MOXD1: variants seen among roughly 807,000 people sequenced by gnomAD.
MOXD1 encodes monooxygenase DBH like 1, also known as DBH-like monooxygenase protein 1.
Under a neutral mutation model 66.6 loss-of-function variants are expected in MOXD1, and 62 were observed. The observed-to-expected ratio is 0.93, with a 90% CI of 0.76 to 1.15. The LOEUF (loss-of-function observed/expected upper bound fraction) is 1.15. MOXD1 is among the 50% of genes most tolerant of loss of function. The probability of loss-of-function intolerance (pLI) is 0.00; values close to 1 mark genes in which losing one functional copy is unlikely to be tolerated. For missense variants in MOXD1, 847 were observed against 754.6 expected (o/e 1.12, Z -1.44); for synonymous variants, 303 against 281.9 (o/e 1.07, Z -0.75).
At chr6:132,360,260 A>T (rs750912668) in intron 4 of MOXD1, among the ~76,000 whole-genome samples, 13 of 152,180 alleles carry the variant, frequency 8.5e-5, no homozygotes, top group Admixed American at 2.6e-4. Flanking sequence ...TTACTTTTTA[A>T]ATAGATCATC....
At chr6:132,360,068 G>A (rs1236985581) in intron 4 of MOXD1, among the ~76,000 whole-genome samples, 2 of 152,194 alleles carry the variant, frequency 1.3e-5, no homozygotes, top group Non-Finnish European at 2.9e-5. Context: ...GCAGATGTTG[G>A]TTGTATCAAG....
At chr6:132,391,388 T>C (rs1308092496) in intron 1 of MOXD1, 2 of 152,230 alleles carry the variant, frequency 1.3e-5, no homozygotes, top group Non-Finnish European at 2.9e-5. Context: ...CATTTGAAAT[T>C]ATTTTTGCAG....
chr6:132,307,051 C>T (rs1375076562), intron 10 of MOXD1, among the ~76,000 whole-genome samples: 1 of 152,050 alleles, frequency 6.6e-6, no homozygotes, highest in Non-Finnish European at 1.5e-5. Flanking sequence ...GGGCTAAAGG[C>T]CCCAATTAAA....
At chr6:132,369,193 G>T (rs1314903003) in intron 4 of MOXD1, among the ~76,000 whole-genome samples, 4 of 152,142 alleles carry the variant, frequency 2.6e-5, no homozygotes, top group African/African-American at 9.6e-5. Flanking sequence ...GCAGTAAATG[G>T]CTTGGTGTCA....
chr6:132,369,477 T>C (rs1776221112), intron 4 of MOXD1, among the ~76,000 whole-genome samples: 1 of 149,272 alleles, frequency 6.7e-6, no homozygotes, highest in Non-Finnish European at 1.5e-5. Flanking sequence ...ACCTTATCAT[T>C]TTTTTTTTAT....
At chr6:132,371,761 C>T (rs141501801) in intron 4 of MOXD1, among the ~76,000 whole-genome samples, 58 of 152,294 alleles carry the variant, frequency 3.8e-4, no homozygotes, top group Non-Finnish European at 6.8e-4. Context: ...ATTCCAGAGT[C>T]TGGCAATTCA....
At chr6:132,357,687 C>A (rs1181177109) in intron 4 of MOXD1, among the ~76,000 whole-genome samples, 1 of 151,828 alleles carries the variant, frequency 6.6e-6, no homozygotes, top group Admixed American at 6.6e-5. Context: ...TAATTTAGAG[C>A]TTTTTGAAAA....
At chr6:132,308,776 A>G (rs574555686) in intron 10 of MOXD1, among the ~76,000 whole-genome samples, 3 of 152,320 alleles carry the variant, frequency 2.0e-5, no homozygotes, top group Non-Finnish European at 4.4e-5. Context: ...AAACCACATG[A>G]TTATCTCAAT....
At chr6:132,323,674 T>G (rs1400781165) in intron 7 of MOXD1, among the ~76,000 whole-genome samples, 2 of 152,122 alleles carry the variant, frequency 1.3e-5, no homozygotes, top group Non-Finnish European at 2.9e-5. Context: ...ATATACAGCA[T>G]GCAACATGCA....
At chr6:132,298,411 CT>C (rs1301679748) in intron 10 of MOXD1, among the ~76,000 whole-genome samples, 4 of 152,122 alleles carry the variant, frequency 2.6e-5, no homozygotes, top group Admixed American at 6.6e-5. Flanking sequence ...AAAAAATTAA[CT>C]GGTAAGCATT....
Position 132,380,030 on chromosome 6 carries a change from G to C in MOXD1, c.265-5253C>G, listed in dbSNP as rs139119150. Among the ~76,000 whole-genome samples the C allele has an allele frequency of 2.6e-5, 4 of 152,222 alleles. No homozygotes were observed. In the East Asian group the frequency reaches 7.7e-4, roughly 29 times the overall value. Reference sequence around the variant, plus strand: ...GCCTCCCACAGTTCTGGGATCACAGGTGTAAGCCACCATGCCCGGCCTGTA... The same window carrying C: ...GCCTCCCACAGTTCTGGGATCACAGCTGTAAGCCACCATGCCCGGCCTGTA... On this transcript the variant is annotated intron_variant, in intron 1 of 11. Coordinates refer to ENST00000367963, the MANE Select transcript of MOXD1 (RefSeq NM_015529.4).
intron 9 of MOXD1, among the ~76,000 whole-genome samples, chr6:132,316,433 A>AT (rs1774961585): frequency 6.6e-6 from 1 of 152,144 alleles, no homozygotes; most frequent in Admixed American, 6.5e-5. Context: ...ACAGATAAAA[A>AT]TATGTTCAAT....
intron 10 of MOXD1, among the ~76,000 whole-genome samples, chr6:132,305,421 G>C (rs574280627): frequency 3.3e-5 from 5 of 152,352 alleles, no homozygotes; most frequent in South Asian, 2.1e-4. Context: ...GGACCAGCAG[G>C]CTTCGCCTTT....
chr6:132,299,649 T>C (rs1342604335), intron 10 of MOXD1, among the ~76,000 whole-genome samples: 4 of 152,108 alleles, frequency 2.6e-5, no homozygotes, highest in Non-Finnish European at 4.4e-5. Flanking sequence ...TTGTCTTTCA[T>C]TAAATATAAG....
At chr6:132,375,993 G>A (rs543230654) in intron 1 of MOXD1, among the ~76,000 whole-genome samples, 11 of 152,154 alleles carry the variant, frequency 7.2e-5, no homozygotes, top group South Asian at 2.1e-4. Context: ...TTTCTTTTTT[G>A]CACCATAGTT....
At chr6:132,392,283 G>A (rs1221224314) in intron 1 of MOXD1, 2 of 1,601,870 alleles carry the variant, frequency 1.2e-6, no homozygotes, top group Non-Finnish European at 8.5e-7. Context: ...CTCAGTTTTT[G>A]AGACAAGCAA....
At chr6:132,373,683 A>T (rs1319726691) in intron 2 of MOXD1, among the ~76,000 whole-genome samples, 1 of 152,180 alleles carries the variant, frequency 6.6e-6, no homozygotes, top group African/African-American at 2.4e-5. Flanking sequence ...CCAAAGGGCT[A>T]TGGGTTGGGG....
At chr6:132,384,858 G>T (rs1776593545) in intron 1 of MOXD1, among the ~76,000 whole-genome samples, 1 of 152,204 alleles carries the variant, frequency 6.6e-6, no homozygotes. Context: ...GCTATAAGCA[G>T]CAAGTGGCAT....
At chr6:132,390,575 C>A (rs568823992) in intron 1 of MOXD1, 11 of 151,634 alleles carry the variant, frequency 7.3e-5, no homozygotes, top group African/African-American at 2.6e-4. Flanking sequence ...ATGTTGTGTC[C>A]CCAGCATCTC....
Sources: allele counts gnomAD v4.1 joint callset (sites outside exome capture counted in the v4.1 genomes callset), GRCh38; gene constraint gnomAD v4.1.1; transcripts MANE v1.5; gene names NCBI Gene and HGNC (gene_info 2026-07-23, HGNC 2026-07-21).